MACF1: variants seen among roughly 807,000 people sequenced by gnomAD.
The protein encoded by MACF1 is microtubule actin crosslinking factor 1.
MACF1 carries 193 observed loss-of-function variants against 854.8 expected under a neutral mutation model. That is an observed-to-expected ratio of 0.23 (90% CI 0.20 to 0.25). The LOEUF (loss-of-function observed/expected upper bound fraction) is 0.25. MACF1 is among the 10% of genes least tolerant of loss of function. MACF1 has a pLI of 1.00. For missense variants in MACF1, 7,722 were observed against 8,929.1 expected, an observed-to-expected ratio of 0.86 and a Z score of 5.45; for synonymous variants, 3,185 against 3,226.7, an observed-to-expected ratio of 0.99 and a Z score of 0.44.
chr1:39,220,675 G>A (rs1240434003), intron 1 of MACF1, among the ~76,000 whole-genome samples: 1 of 150,228 alleles, frequency 6.7e-6, no homozygotes, highest in African/African-American at 2.5e-5. Flanking sequence ...GGGTAGAGTC[G>A]AGGTTCCCCA....
In MACF1 at chr1:39,452,368, TC is replaced by T; in HGVS notation, c.20613+21del. On this transcript the variant is annotated intron_variant, in intron 86 of 100. Transcript: ENST00000564288. ...TAAAACAAGTAAGGGATATTTGCTG[TC>T]CCAACCCAAGGGATAGATCTGAGTG... 1 of 1,607,506 alleles carries T rather than the reference TC, an allele frequency of 6.2e-7. No individual in the cohort carries two copies. The highest frequency in any genetic ancestry group is 8.5e-7 in the Non-Finnish European group (1 of 1,176,328).
chr1:39,289,693 C>CTTTTTTTTTTTTTTTTTTTTTGTTT (rs1645731185), intron 15 of MACF1, among the ~76,000 whole-genome samples: 1 of 28,940 alleles, frequency 3.5e-5, no homozygotes, highest in African/African-American at 1.3e-4. Flanking sequence ...GTGGGTTGTC[C>CTTTTTTTTTTTTTTTTTTTTTGTTT]TTTTTTTTTT....
At chr1:39,226,575 G>A (rs1339839073) in intron 1 of MACF1, among the ~76,000 whole-genome samples, 14 of 151,968 alleles carry the variant, frequency 9.2e-5, no homozygotes, top group Admixed American at 7.9e-4. Flanking sequence ...GCCTGACCTC[G>A]TGATCCACCC....
chr1:39,192,772 T>A (rs1644271272), intron 2 of MACF1, among the ~76,000 whole-genome samples: 1 of 152,226 alleles, frequency 6.6e-6, no homozygotes, highest in Admixed American at 6.5e-5. Context: ...CATCTTTGTA[T>A]ATTCAGTACT....
chr1:39,278,982 T>C (rs1182464679), intron 6 of MACF1, among the ~76,000 whole-genome samples: 4 of 152,220 alleles, frequency 2.6e-5, no homozygotes, highest in Non-Finnish European at 4.4e-5. Flanking sequence ...GCCAAGTGAT[T>C]CAAGAATTTG....
chr1:39,125,788 T>TG (rs1269295367), intron 2 of MACF1, among the ~76,000 whole-genome samples: 1 of 152,194 alleles, frequency 6.6e-6, no homozygotes, highest in African/African-American at 2.4e-5. Flanking sequence ...GGTCAGGAGT[T>TG]GAAGACCGGC....
chr1:39,428,484 A>G lies in MACF1; in HGVS notation c.16803+197A>G, dbSNP rs193244755. Among the ~76,000 whole-genome samples, 128 of 152,330 alleles carry G rather than the reference A, an allele frequency of 8.4e-4. No individual in the cohort carries two copies. The highest frequency in any genetic ancestry group is 2.9e-3 in the African/African-American group (119 of 41,576). ...TCCATGGAAATACTTATATTTAACA[A>G]GTTAAATCAGTAATTCTAGAAGATG... On this transcript the variant is annotated intron_variant, in intron 63 of 100. Coordinates refer to ENST00000564288, the MANE Select transcript of MACF1 (RefSeq NM_001394062.1).
chr1:39,392,519 C>T (rs915380846), intron 58 of MACF1, among the ~76,000 whole-genome samples: 3 of 152,072 alleles, frequency 2.0e-5, no homozygotes, highest in Non-Finnish European at 4.4e-5. Context: ...GTTTTCAGCT[C>T]TTTTTTTAAT....
intron 2 of MACF1, among the ~76,000 whole-genome samples, chr1:39,159,527 G>A (rs1478078876): frequency 1.3e-5 from 2 of 152,140 alleles, no homozygotes; most frequent in Non-Finnish European, 2.9e-5. Flanking sequence ...TGTAAAGTAA[G>A]CCTTTGTAAA....
chr1:39,359,241 A>T lies in MACF1; in HGVS notation c.12221A>T (p.His4074Leu). 6.2e-7 allele frequency: 1 copy of T among 1,614,156 alleles called. No individual in the cohort carries two copies. Among genetic ancestry groups the T allele is most frequent in the Non-Finnish European group, 8.5e-7 (1 of 1,180,026 alleles). Residue 4074 changes from histidine to leucine, a missense_variant, in exon 47 of 101, where the codon CAC (histidine) becomes CTC (leucine). This residue lies in a region of MACF1 where 2,807 missense variants were observed against 3,235.8 expected (regional missense o/e 0.87). Transcript: ENST00000564288. The stretch of plus-strand genomic sequence containing the variant: ...ATTGAAGGGGAGCCAGCCCCAGACC[A>T]CAGGCATGTTCAAGAAACTACAGGT... ...MEIEGEPAPD[H>L]RHVQETTDSI...
chr1:39,360,046 T>TATAC, intron 47 of MACF1, among the ~76,000 whole-genome samples: 1 of 60,854 alleles, frequency 1.6e-5, no homozygotes, highest in Non-Finnish European at 3.2e-5. Context: ...TATATATATA[T>TATAC]ATATATACAC....
chr1:39,483,102 AAAAAAAAAAAC>A (rs1312763813), intron 99 of MACF1, among the ~76,000 whole-genome samples: 23 of 147,156 alleles, frequency 1.6e-4, no homozygotes, highest in East Asian at 6.0e-4. Context: ...AAAAAAAAAA[AAAAAAAAAAAC>A]ACCCACACAT....
intron 2 of MACF1, among the ~76,000 whole-genome samples, chr1:39,241,517 G>T (rs768100946): frequency 6.6e-6 from 1 of 151,874 alleles, no homozygotes; most frequent in Non-Finnish European, 1.5e-5. Flanking sequence ...AAAATTAGCC[G>T]GGTGTGGTGA....
Position 39,404,560 on chromosome 1 carries a change from A to C in MACF1, c.15816+15902A>C, listed in dbSNP as rs113003260. 5.2e-3 allele frequency among the ~76,000 whole-genome samples: 790 copies of C among 152,276 alleles called. 6 individuals carry two copies. The highest frequency in any genetic ancestry group is 0.018 in the African/African-American group (730 of 41,554). Reference sequence around the variant, plus strand: ...GGCTAGAGTGCAATGACACAATTACAGCTCATTGTAACCTTGAACTCCTGG... The same window carrying C: ...GGCTAGAGTGCAATGACACAATTACCGCTCATTGTAACCTTGAACTCCTGG... On this transcript the variant is annotated intron_variant, in intron 58 of 100. Transcript: ENST00000564288.
At chr1:39,175,701 C>G (rs968508210) in intron 2 of MACF1, among the ~76,000 whole-genome samples, 13 of 152,040 alleles carry the variant, frequency 8.6e-5, no homozygotes, top group African/African-American at 2.7e-4. Flanking sequence ...ACCTATAATC[C>G]CAGCACTTTG....
chr1:39,334,117 A>C lies in MACF1; in HGVS notation c.7529A>C (p.His2510Pro). ...KQVVDGGIIHHISGMRLSVDN... is the reference protein window; with the variant it reads ...KQVVDGGIIHPISGMRLSVDN... ...GTGGTAGATGGAGGTATCATTCACC[A>C]TATATCTGGGATGAGACTTTCTGTT... is the stretch of plus-strand genomic sequence containing the variant. The change falls in exon 37 of 101, where the codon CAT becomes CCT. Residue 2510 changes from histidine (H) to proline (P), a missense_variant. His to Pro is a moderately conservative substitution (Grantham distance 77). Coordinates refer to ENST00000564288, the MANE Select transcript of MACF1 (RefSeq NM_001394062.1). The C allele has an allele frequency of 6.2e-7, 1 of 1,614,176 alleles. No individual in the cohort carries two copies. The highest frequency in any genetic ancestry group is 8.5e-7 in the Non-Finnish European group (1 of 1,180,028).
intron 6 of MACF1, among the ~76,000 whole-genome samples, chr1:39,276,969 AAG>A (rs1571254356): frequency 6.6e-6 from 1 of 152,178 alleles, no homozygotes; most frequent in African/African-American, 2.4e-5. Flanking sequence ...TTAAACAAAA[AAG>A]AGGAATGAAA....
At chr1:39,148,345 T>A (rs759411158) in intron 2 of MACF1, among the ~76,000 whole-genome samples, 5 of 152,222 alleles carry the variant, frequency 3.3e-5, no homozygotes, top group Non-Finnish European at 5.9e-5. Flanking sequence ...AGAGTTATGC[T>A]ACTGTTGGAT....
At chr1:39,475,129 A>G (rs902523889) in intron 97 of MACF1, among the ~76,000 whole-genome samples, 1 of 152,146 alleles carries the variant, frequency 6.6e-6, no homozygotes, top group African/African-American at 2.4e-5. Context: ...GTCACGGTCA[A>G]ATGAATTTGG....
Sources: gnomAD v4.1 joint callset for allele counts (sites outside exome capture counted in the v4.1 genomes callset) on GRCh38, gnomAD v4.1.1 for gene constraint, gnomAD v4.1.1 regional missense constraint, MANE v1.5 for transcripts, NCBI Gene and HGNC (gene_info 2026-07-23, HGNC 2026-07-21) for gene names.